The following SLC71A1 variants were observed in gnomAD, a reference collection of about 807,000 sequenced individuals.
The protein encoded by SLC71A1 is hippocampus abundant gene transcript 1.
chr1:100,043,341 G>A, the SLC71A1 span: 4 of 269,696 alleles, frequency 1.5e-5, no homozygotes, highest in African/African-American at 2.3e-5. Flanking sequence ...GACAGTTTCA[G>A]CCAGGGTACA....
At chr1:100,055,387 T>C in the SLC71A1 span, among the ~76,000 whole-genome samples, 1 of 151,682 alleles carries the variant, frequency 6.6e-6, no homozygotes, top group Non-Finnish European at 1.5e-5. Flanking sequence ...AACTTTCTCT[T>C]TGTGTGTGTG....
chr1:100,039,288 A>G, the SLC71A1 span, among the ~76,000 whole-genome samples: 2 of 152,236 alleles, frequency 1.3e-5, no homozygotes, highest in African/African-American at 2.4e-5. Context: ...AAATTGTACC[A>G]TTAATTCCAT....
the SLC71A1 span, among the ~76,000 whole-genome samples, chr1:100,064,009 T>G: frequency 6.6e-6 from 1 of 152,218 alleles, no homozygotes; most frequent in Non-Finnish European, 1.5e-5. Context: ...TCCCCACACT[T>G]GTGCCAGAGC....
At chr1:100,074,430 T>G in the SLC71A1 span, among the ~76,000 whole-genome samples, 2 of 151,296 alleles carry the variant, frequency 1.3e-5, no homozygotes, top group African/African-American at 4.9e-5. Flanking sequence ...CAAAAAAAAT[T>G]TAGCTGGGCA....
chr1:100,074,286 T>C, the SLC71A1 span, among the ~76,000 whole-genome samples: 1 of 152,180 alleles, frequency 6.6e-6, no homozygotes, highest in Non-Finnish European at 1.5e-5. Flanking sequence ...TAAGAAAATA[T>C]ATTCTTGGCC....
At chr1:100,068,381 A>G in the SLC71A1 span, 3 of 962,572 alleles carry the variant, frequency 3.1e-6, no homozygotes, top group Non-Finnish European at 3.2e-6. Flanking sequence ...GTCCATGAGT[A>G]CACTGCCAAA....
the SLC71A1 span, among the ~76,000 whole-genome samples, chr1:100,045,741 C>T: frequency 1.8e-4 from 27 of 150,672 alleles, 1 homozygote; most frequent in East Asian, 3.1e-3. Context: ...GACAGAGTCT[C>T]GCTCTGTCGC....
At chr1:100,053,001 C>G in the SLC71A1 span, among the ~76,000 whole-genome samples, 2 of 151,932 alleles carry the variant, frequency 1.3e-5, no homozygotes, top group Non-Finnish European at 2.9e-5. Flanking sequence ...CCAGGCTGGT[C>G]TTGAACTCCT....
At chr1:100,077,556 G>A in the SLC71A1 span, among the ~76,000 whole-genome samples, 2 of 152,120 alleles carry the variant, frequency 1.3e-5, no homozygotes, top group Non-Finnish European at 2.9e-5. Flanking sequence ...ATCTAAATCA[G>A]TCCGTTACTA....
the SLC71A1 span, chr1:100,049,888 A>G: frequency 7.2e-7 from 1 of 1,382,040 alleles, no homozygotes; most frequent in East Asian, 2.3e-5. Flanking sequence ...TTAACTTTTT[A>G]AAAAATCTTG....
the SLC71A1 span, among the ~76,000 whole-genome samples, chr1:100,051,370 A>G: frequency 2.6e-5 from 4 of 152,122 alleles, no homozygotes; most frequent in Non-Finnish European, 1.5e-5. Flanking sequence ...CAGCCTGGAT[A>G]CAGGGTGAGA....
the SLC71A1 span, among the ~76,000 whole-genome samples, chr1:100,052,086 G>A: frequency 6.6e-6 from 1 of 152,120 alleles, no homozygotes; most frequent in Non-Finnish European, 1.5e-5. Context: ...GTAGTAACTT[G>A]TTTGTACCCA....
the SLC71A1 span, among the ~76,000 whole-genome samples, chr1:100,055,266 AC>A: frequency 6.6e-6 from 1 of 152,140 alleles, no homozygotes; most frequent in Non-Finnish European, 1.5e-5. Flanking sequence ...GTTTTGAGAT[AC>A]TAGTTTAAGG....
At chr1:100,046,263 G>T in the SLC71A1 span, among the ~76,000 whole-genome samples, 1 of 109,468 alleles carries the variant, frequency 9.1e-6, no homozygotes, top group Non-Finnish European at 1.7e-5. Flanking sequence ...GTCTAGCTCT[G>T]TCGCCTAGGC....
chr1:100,051,120 C>T, the SLC71A1 span, among the ~76,000 whole-genome samples: 7 of 150,376 alleles, frequency 4.7e-5, no homozygotes, highest in East Asian at 2.0e-4. Context: ...CAGCCGGGCG[C>T]GGTGGCTCAC....
chr1:100,070,904 C>T, the SLC71A1 span, among the ~76,000 whole-genome samples: 1 of 152,068 alleles, frequency 6.6e-6, no homozygotes, highest in Non-Finnish European at 1.5e-5. Context: ...ATTCCTTCTG[C>T]AGGTCTCATG....
chr1:100,058,622 CTG>C, the SLC71A1 span: 1 of 1,020,420 alleles, frequency 9.8e-7, no homozygotes, highest in South Asian at 1.3e-5. Context: ...TTTATTAAGA[CTG>C]AAATATAGCA....
chr1:100,066,988 C>CAAAAA, the SLC71A1 span, among the ~76,000 whole-genome samples: 1 of 69,298 alleles, frequency 1.4e-5, no homozygotes, highest in African/African-American at 6.5e-5. Context: ...GACTCCGTCT[C>CAAAAA]AAAAAAAAAA....
At chr1:100,059,517 T>A in the SLC71A1 span, among the ~76,000 whole-genome samples, 1 of 150,994 alleles carries the variant, frequency 6.6e-6, no homozygotes, top group Non-Finnish European at 1.5e-5. Context: ...TTAGCCTGTT[T>A]TATATATATA....
Sources: allele counts gnomAD v4.1 joint callset (sites outside exome capture counted in the v4.1 genomes callset), GRCh38; gene constraint gnomAD v4.1.1; transcripts MANE v1.5; gene names NCBI Gene and HGNC (gene_info 2026-07-23, HGNC 2026-07-21).